Variants in SPMIP4 observed in about 807,000 individuals in gnomAD.
SPMIP4 encodes the protein sperm microtubule inner protein 4.
chr7:25,176,611 C>A, the SPMIP4 span, among the ~76,000 whole-genome samples: 2 of 152,116 alleles, frequency 1.3e-5, no homozygotes, highest in Non-Finnish European at 2.9e-5. This position sits in a 1 kb window ranked among gnomAD's most constrained non-coding sequence, Gnocchi z 4.4. Flanking sequence ...TGAATATGAT[C>A]TTTACATTTA....
the SPMIP4 span, among the ~76,000 whole-genome samples, chr7:25,128,039 T>A: frequency 6.6e-6 from 1 of 152,230 alleles, no homozygotes; most frequent in African/African-American, 2.4e-5. The surrounding 1 kb of genome is among the most constrained non-coding windows in gnomAD (Gnocchi z 4.5). Context: ...TGTTCTCTTA[T>A]CTTACTTTCA....
At chr7:25,171,436 C>T in the SPMIP4 span, among the ~76,000 whole-genome samples, 1 of 152,208 alleles carries the variant, frequency 6.6e-6, no homozygotes. Context: ...GTTAGGAACA[C>T]AGCCTTACAA....
At chr7:25,168,850 CG>C in the SPMIP4 span, among the ~76,000 whole-genome samples, 24,618 of 151,044 alleles carry the variant, frequency 0.16, 2,647 homozygotes, top group African/African-American at 0.31. Context: ...CTCAGCCTCC[CG>C]AGTAGCTGAC....
the SPMIP4 span, among the ~76,000 whole-genome samples, chr7:25,133,511 T>G: frequency 6.6e-6 from 1 of 152,228 alleles, no homozygotes; most frequent in African/African-American, 2.4e-5. Flanking sequence ...AGTGGTCATA[T>G]TTAGAAGATC....
chr7:25,147,462 T>A, the SPMIP4 span, among the ~76,000 whole-genome samples: 6 of 151,938 alleles, frequency 3.9e-5, no homozygotes, highest in Admixed American at 2.6e-4. Context: ...CTAATGACTC[T>A]GGTGGGGAAA....
At chr7:25,145,092 A>G in the SPMIP4 span, among the ~76,000 whole-genome samples, 1 of 151,682 alleles carries the variant, frequency 6.6e-6, no homozygotes, top group Non-Finnish European at 1.5e-5. Flanking sequence ...CCTCCCAAGT[A>G]GCTGGGACTA....
At chr7:25,130,701 T>G in the SPMIP4 span, among the ~76,000 whole-genome samples, 1 of 152,026 alleles carries the variant, frequency 6.6e-6, no homozygotes. Flanking sequence ...TTTTCAAGGG[T>G]GATTTTTGGT....
At chr7:25,175,997 G>T in the SPMIP4 span, among the ~76,000 whole-genome samples, 1 of 152,222 alleles carries the variant, frequency 6.6e-6, no homozygotes, top group Non-Finnish European at 1.5e-5. Context: ...TGAAAGGAAA[G>T]AATTCACGTG....
chr7:25,145,729 G>A, the SPMIP4 span, among the ~76,000 whole-genome samples: 1 of 152,152 alleles, frequency 6.6e-6, no homozygotes, highest in Non-Finnish European at 1.5e-5. Flanking sequence ...TATATAAATG[G>A]TGGTTACATT....
chr7:25,169,458 G>C, the SPMIP4 span, among the ~76,000 whole-genome samples: 2 of 152,096 alleles, frequency 1.3e-5, no homozygotes, highest in African/African-American at 4.8e-5. Context: ...GACATTTCCT[G>C]TAAGTAGAAT....
chr7:25,152,010 G>A, the SPMIP4 span, among the ~76,000 whole-genome samples: 1 of 152,148 alleles, frequency 6.6e-6, no homozygotes, highest in Non-Finnish European at 1.5e-5. Flanking sequence ...TTGAGCATGT[G>A]CAGGAGCAGC....
chr7:25,154,827 T>C, the SPMIP4 span, among the ~76,000 whole-genome samples: 1 of 152,194 alleles, frequency 6.6e-6, no homozygotes, highest in Admixed American at 6.5e-5. Flanking sequence ...GCAGAGAGTC[T>C]GATTTGATGG....
the SPMIP4 span, among the ~76,000 whole-genome samples, chr7:25,170,333 A>G: frequency 1.5e-3 from 223 of 152,308 alleles, 3 homozygotes; most frequent in African/African-American, 5.2e-3. Context: ...CCTATTGGCA[A>G]TATCTTTATT....
chr7:25,166,691 T>C, the SPMIP4 span, among the ~76,000 whole-genome samples: 1 of 151,246 alleles, frequency 6.6e-6, no homozygotes, highest in African/African-American at 2.4e-5. Context: ...GTTCGAGACC[T>C]GCCTGATCCA....
At chr7:25,158,008 A>G in the SPMIP4 span, among the ~76,000 whole-genome samples, 2 of 152,228 alleles carry the variant, frequency 1.3e-5, no homozygotes, top group South Asian at 2.1e-4. Context: ...TTCAGGGGAT[A>G]TAACAGGAGA....
At chr7:25,132,020 G>C in the SPMIP4 span, among the ~76,000 whole-genome samples, 1 of 152,210 alleles carries the variant, frequency 6.6e-6, no homozygotes, top group African/African-American at 2.4e-5. This position sits in a 1 kb window ranked among gnomAD's most constrained non-coding sequence, Gnocchi z 5.0. Context: ...ACATGGACCA[G>C]AAGAGTGCAG....
the SPMIP4 span, among the ~76,000 whole-genome samples, chr7:25,166,592 TA>T: frequency 6.9e-6 from 1 of 145,186 alleles, no homozygotes; most frequent in Admixed American, 6.9e-5. Flanking sequence ...GTCTCAAAAA[TA>T]AAAACAGGAT....
chr7:25,158,388 A>AAT, the SPMIP4 span: 2 of 720,376 alleles, frequency 2.8e-6, no homozygotes, highest in Non-Finnish European at 4.5e-6. Context: ...AAAAAAAAAA[A>AAT]GAAACGTTTT....
the SPMIP4 span, among the ~76,000 whole-genome samples, chr7:25,179,020 G>A: frequency 6.6e-6 from 1 of 150,944 alleles, no homozygotes; most frequent in Non-Finnish European, 1.5e-5. Flanking sequence ...CAGCCTGGGC[G>A]ACAGAGCGAG....
Sources: allele counts gnomAD v4.1 joint callset (sites outside exome capture counted in the v4.1 genomes callset), GRCh38; gene constraint gnomAD v4.1.1; non-coding constraint Gnocchi (gnomAD v3.1); transcripts MANE v1.5; gene names NCBI Gene and HGNC (gene_info 2026-07-23, HGNC 2026-07-21).